The following KCTD2 variants were observed in gnomAD, a reference collection of about 807,000 sequenced individuals.
KCTD2 encodes the protein potassium channel tetramerization domain containing 2.
A neutral mutation model predicts 27.9 loss-of-function variants in KCTD2; 18 were observed. That is an observed-to-expected ratio of 0.64 (90% CI 0.45 to 0.96). The LOEUF is 0.96. Among genes scored for constraint, KCTD2 ranks in the 40% least tolerant of loss-of-function variants. The pLI, the probability that KCTD2 is intolerant of heterozygous loss-of-function variation, is 0.00. For synonymous variants in KCTD2, 175 were observed against 148.4 expected (o/e 1.18, Z -1.30); for missense variants, 280 against 348.0 (o/e 0.80, Z 1.56).
Position 75,064,160 on chromosome 17 carries a change from A to AC in KCTD2, c.*1118dup, listed in dbSNP as rs2073433372. 1 of 151,530 alleles carries AC rather than the reference A, an allele frequency of 6.6e-6. No individual in the cohort carries two copies. Among genetic ancestry groups the AC allele is most frequent in the African/African-American group, 2.4e-5 (1 of 41,146 alleles). The allele number at this position is 151,530 out of a possible 1,614,324, so 9.4% of individuals were successfully genotyped here. ...CCCTGTGTCTCTGACCACCCCCCTGACCCCCGCCATTACTTTCTTTTCTGG... is the reference window on the plus strand; with the variant it reads ...CCCTGTGTCTCTGACCACCCCCCTGACCCCCCGCCATTACTTTCTTTTCTGG... On this transcript the variant is annotated 3_prime_UTR_variant, in exon 6 of 6. Transcript: ENST00000322444.
intron 5 of KCTD2, 80 bp downstream of exon 5, chr17:75,062,325 T>C: frequency 7.2e-7 from 1 of 1,388,986 alleles, no homozygotes; most frequent in Non-Finnish European, 9.8e-7. Flanking sequence ...GAACTCTTGC[T>C]CCTCACTTCT....
At chr17:75,048,250 C>A (rs1333251621) in intron 1 of KCTD2, among the ~76,000 whole-genome samples, 1 of 152,120 alleles carries the variant, frequency 6.6e-6, no homozygotes, top group East Asian at 1.9e-4. Context: ...AAATTTTGGG[C>A]AGGATGCATG....
chr17:75,043,745 G>A (rs2073184395), upstream of KCTD2, among the ~76,000 whole-genome samples: 1 of 151,984 alleles, frequency 6.6e-6, no homozygotes, highest in Non-Finnish European at 1.5e-5. Context: ...TTTATTCACT[G>A]ATTCTCCAGT....
intron 4 of KCTD2, 43 bp downstream of exon 4, chr17:75,059,648 G>C: frequency 1.4e-6 from 2 of 1,472,006 alleles, no homozygotes; most frequent in South Asian, 2.3e-5. Context: ...CCCGTTCAAG[G>C]GGTCTGCAGC....
chr17:75,039,378 TGGAGAAACTGTG>T lies in KCTD2; in HGVS notation c.-259+4023_-259+4034del, dbSNP rs2144908441. 3.0e-6 allele frequency: 3 copies of T among 994,900 alleles called. No individual in the cohort carries two copies. In the South Asian group the frequency reaches 4.1e-5, roughly 14 times the overall value. 61.6% of individuals were successfully genotyped at this position (994,900 alleles called of 1,614,324 possible). ...CCACTCCTGCTGTCCTATTGCTCTA[TGGAGAAACTGTG>T]GTTACCCTGAGTGGGGGCGCTCACT... On this transcript the variant is annotated intron_variant, in intron 3 of 7. Coordinates refer to the KCTD2 transcript ENST00000581589.
chr17:75,039,206 T>C (rs574278619), intron 3 of KCTD2: 2 of 1,613,990 alleles, frequency 1.2e-6, no homozygotes, highest in East Asian at 4.5e-5. Flanking sequence ...CCATCATCCT[T>C]ACCTCTTTCT....
At chr17:75,046,756 G>A (rs1249992222), upstream of KCTD2, among the ~76,000 whole-genome samples, 1 of 152,240 alleles carries the variant, frequency 6.6e-6, no homozygotes, top group Non-Finnish European at 1.5e-5. Flanking sequence ...GCTGAGGAAG[G>A]GATCGCGGGG....
intron 3 of KCTD2, chr17:75,041,053 T>A (rs557157483): frequency 6.6e-6 from 1 of 151,524 alleles, no homozygotes; most frequent in East Asian, 2.0e-4. Context: ...ATTACAGCTA[T>A]AAGGGACAGT....
intron 3 of KCTD2, among the ~76,000 whole-genome samples, chr17:75,054,850 A>G (rs2073333513): frequency 6.6e-6 from 1 of 151,918 alleles, no homozygotes; most frequent in South Asian, 2.1e-4. Flanking sequence ...CCAGGAAAAT[A>G]GACCCTCTCT....
upstream of KCTD2, among the ~76,000 whole-genome samples, chr17:75,045,054 G>A (rs1217789558): frequency 3.3e-5 from 5 of 152,164 alleles, no homozygotes; most frequent in African/African-American, 9.7e-5. Context: ...TTTCCTAAGC[G>A]TCGACTGGCT....
chr17:75,044,935 A>G (rs902231573), upstream of KCTD2, among the ~76,000 whole-genome samples: 3 of 152,110 alleles, frequency 2.0e-5, no homozygotes, highest in South Asian at 2.1e-4. Flanking sequence ...TGTTAAGGCA[A>G]TTGGCATGTG....
chr17:75,042,036 C>G lies in KCTD2; in HGVS notation c.-259+6679C>G, dbSNP rs755682846. The G allele has an allele frequency of 4.6e-6, 3 of 650,910 alleles. 1 individual carries two copies. In the Middle Eastern group the frequency reaches 1.3e-3, roughly 277 times the overall value. 40.3% of individuals were successfully genotyped at this position (650,910 alleles called of 1,614,324 possible). ...TTCCTGCACCTATTTACAGTTCAAT[C>G]GACCACAAGGCCTTTGGCCATACGC... is the stretch of plus-strand genomic sequence containing the variant. On this transcript the variant is annotated intron_variant, in intron 3 of 7. Transcript: ENST00000581589.
chr17:75,062,699 A>AAC (rs10533801), intron 5 of KCTD2, among the ~76,000 whole-genome samples: 8,422 of 115,978 alleles, frequency 0.073, 610 homozygotes, highest in East Asian at 0.35. Flanking sequence ...CCTCACCCCC[A>AAC]ACACACACAC....
chr17:75,039,343 TC>T, intron 3 of KCTD2: 1 of 1,390,378 alleles, frequency 7.2e-7, no homozygotes, highest in Non-Finnish European at 1.0e-6. Flanking sequence ...AAGGTAGGAG[TC>T]GTCCCAGCCC....
At chr17:75,034,456 AAT>A (rs2144901718) in intron 2 of KCTD2, among the ~76,000 whole-genome samples, 2 of 152,276 alleles carry the variant, frequency 1.3e-5, no homozygotes, top group South Asian at 4.1e-4. Context: ...TCGAACCCAC[AAT>A]CCCTGGCTTA....
intron 2 of KCTD2, among the ~76,000 whole-genome samples, chr17:75,049,863 G>T (rs1486952488): frequency 3.9e-5 from 6 of 152,138 alleles, no homozygotes; most frequent in Non-Finnish European, 8.8e-5. Context: ...TGGTTTGTAG[G>T]GCATTGGGAC....
intron 5 of KCTD2, among the ~76,000 whole-genome samples, 194 bp downstream of exon 5, chr17:75,062,439 T>C (rs1326901582): frequency 6.6e-6 from 1 of 152,078 alleles, no homozygotes; most frequent in Non-Finnish European, 1.5e-5. Context: ...TGTTTTTAGT[T>C]AGAAAATATG....
rs541745643 is a variant in KCTD2, at chr17:75,061,823, T to C, written c.637-297T>C. Among the ~76,000 whole-genome samples, 7 of 152,170 alleles carry C rather than the reference T, an allele frequency of 4.6e-5. No homozygotes were observed. In the South Asian group the frequency reaches 1.5e-3, roughly 32 times the overall value. On this transcript the variant is annotated intron_variant, in intron 4 of 5. Transcript: ENST00000322444. ...GCAGATGCGTTCTGTCTTCCCTTGCTGTGCTCGACGGGGCGTGGGCATGTT... is the reference window on the plus strand; with the variant it reads ...GCAGATGCGTTCTGTCTTCCCTTGCCGTGCTCGACGGGGCGTGGGCATGTT...
intron 1 of KCTD2, among the ~76,000 whole-genome samples, chr17:75,047,812 C>G (rs1268785338): frequency 6.6e-6 from 1 of 152,126 alleles, no homozygotes; most frequent in Non-Finnish European, 1.5e-5. Context: ...CCCCGCCCTT[C>G]GTTCTCTGAG....
Sources: gnomAD v4.1 joint callset for allele counts (sites outside exome capture counted in the v4.1 genomes callset) on GRCh38, gnomAD v4.1.1 for gene constraint, MANE v1.5 for transcripts, NCBI Gene and HGNC (gene_info 2026-07-23, HGNC 2026-07-21) for gene names.